Variants in DRD2 observed in about 807,000 individuals in gnomAD.
DRD2 encodes the protein dopamine receptor D2.
DRD2 carries 8 observed loss-of-function variants against 38.0 expected under a neutral mutation model. That is an observed-to-expected ratio of 0.21 (90% CI 0.12 to 0.38). The LOEUF is 0.38. Ranked by LOEUF, DRD2 falls within the 10% of genes least tolerant of loss-of-function variation. The pLI, the probability that DRD2 is intolerant of heterozygous loss-of-function variation, is 1.00. For missense variants in DRD2, 403 were observed against 607.7 expected (o/e 0.66, Z 3.54); for synonymous variants, 230 against 238.6 (o/e 0.96, Z 0.33).
rs762573963 is a variant in DRD2 at position 113,424,524 on chromosome 11, A to G, written c.128T>C (p.Leu43Pro). Residue 43 changes from leucine to proline, a missense_variant, in exon 2 of 8, where the codon CTG becomes CCG. Physicochemically the swap from Leu to Pro is moderately conservative, Grantham distance 98. Around this residue, in one of 4 missense-constraint regions of DRD2, gnomAD observed 162 missense variants for 254.5 expected, o/e 0.64. Transcript: ENST00000362072. ...GCCGAAGACGATGACAGCGATGAGC[A>G]GGGTGAGCAGTGTGGCATAGTAGTT... ...HYNYYATLLT[L>P]LIAVIVFGNV... is the part of the protein sequence containing the mutation. 7 of 1,614,242 alleles carry G rather than the reference A, an allele frequency of 4.3e-6. No individual in the cohort carries two copies. Among genetic ancestry groups the G allele is most frequent in the Non-Finnish European group, 5.9e-6 (7 of 1,180,044 alleles).
At chr11:113,467,556 G>T (rs1159205594) in intron 1 of DRD2, among the ~76,000 whole-genome samples, 1 of 152,106 alleles carries the variant, frequency 6.6e-6, no homozygotes, top group Non-Finnish European at 1.5e-5. Flanking sequence ...TCTGGGAAAA[G>T]AAAAAAAGTC....
chr11:113,434,718 A>C (rs1951019477), intron 1 of DRD2, among the ~76,000 whole-genome samples: 1 of 152,208 alleles, frequency 6.6e-6, no homozygotes, highest in African/African-American at 2.4e-5. Context: ...CCAGGGCTTC[A>C]GAGTGTCCAG....
chr11:113,415,148 C>A (rs532496487), intron 5 of DRD2: 2 of 390,590 alleles, frequency 5.1e-6, no homozygotes, highest in South Asian at 1.0e-4. Context: ...GGGTACCAAG[C>A]AAGAGTTGCC....
At chr11:113,428,837 G>A (rs532844103) in intron 1 of DRD2, among the ~76,000 whole-genome samples, 3 of 152,256 alleles carry the variant, frequency 2.0e-5, no homozygotes, top group East Asian at 1.9e-4. Flanking sequence ...ATGTTGCCCA[G>A]GCTGGTCTCA....
At chr11:113,472,127 C>A (rs962449386) in intron 1 of DRD2, among the ~76,000 whole-genome samples, 2 of 152,234 alleles carry the variant, frequency 1.3e-5, no homozygotes, top group Non-Finnish European at 2.9e-5. Flanking sequence ...CTCATCATAT[C>A]TGTCTCTCCT....
At chr11:113,432,863 C>A (rs964603611) in intron 1 of DRD2, among the ~76,000 whole-genome samples, 1 of 152,198 alleles carries the variant, frequency 6.6e-6, no homozygotes, top group Non-Finnish European at 1.5e-5. Context: ...AAAGGTGGTG[C>A]GCCCGTTCCT....
At chr11:113,465,844 A>G (rs577485096) in intron 1 of DRD2, among the ~76,000 whole-genome samples, 1 of 152,318 alleles carries the variant, frequency 6.6e-6, no homozygotes, top group East Asian at 1.9e-4. Flanking sequence ...TAAAATTTGG[A>G]GCACAGGTTG....
At chr11:113,471,015 A>C (rs1198276122) in intron 1 of DRD2, among the ~76,000 whole-genome samples, 1 of 152,216 alleles carries the variant, frequency 6.6e-6, no homozygotes, top group East Asian at 1.9e-4. Context: ...TTAAGGTGAA[A>C]GGAAAAAGAA....
At chr11:113,421,105 A>C (rs961676455) in intron 2 of DRD2, among the ~76,000 whole-genome samples, 2 of 151,854 alleles carry the variant, frequency 1.3e-5, no homozygotes, top group African/African-American at 4.8e-5. Flanking sequence ...TCTCCTCCAT[A>C]CCTCCAGCCA....
intron 1 of DRD2, among the ~76,000 whole-genome samples, chr11:113,438,195 T>C (rs189393544): frequency 5.8e-4 from 84 of 144,908 alleles, no homozygotes; most frequent in African/African-American, 2.0e-3. Flanking sequence ...ATTTTTATTG[T>C]TTTTTTTTTA....
intron 2 of DRD2, among the ~76,000 whole-genome samples, chr11:113,423,840 G>A (rs1950909249): frequency 6.6e-6 from 1 of 152,208 alleles, no homozygotes; most frequent in Non-Finnish European, 1.5e-5. Flanking sequence ...GGGATATGGG[G>A]AGCATAAAGC....
At chr11:113,461,543 C>T (rs1951319050) in intron 1 of DRD2, among the ~76,000 whole-genome samples, 1 of 152,068 alleles carries the variant, frequency 6.6e-6, no homozygotes, top group South Asian at 2.1e-4. Flanking sequence ...ATGAGGGATC[C>T]CCCAAGGCAG....
intron 1 of DRD2, among the ~76,000 whole-genome samples, chr11:113,442,443 C>A (rs538818524): frequency 6.6e-6 from 1 of 152,194 alleles, no homozygotes; most frequent in Non-Finnish European, 1.5e-5. Context: ...CTAATCCTCC[C>A]CATCAAGGGG....
At chr11:113,449,231 G>A (rs1418115733) in intron 1 of DRD2, among the ~76,000 whole-genome samples, 3 of 152,026 alleles carry the variant, frequency 2.0e-5, no homozygotes, top group Non-Finnish European at 4.4e-5. Context: ...CTCTTCAAAG[G>A]GAAAAGCCCA....
chr11:113,459,987 G>A (rs1015613327), intron 1 of DRD2, among the ~76,000 whole-genome samples: 2 of 152,192 alleles, frequency 1.3e-5, no homozygotes, highest in East Asian at 1.9e-4. Flanking sequence ...GGGCCCCAAG[G>A]AATAGTGCTG....
intron 1 of DRD2, among the ~76,000 whole-genome samples, chr11:113,468,689 A>G (rs540964210): frequency 1.3e-5 from 2 of 152,300 alleles, no homozygotes; most frequent in South Asian, 4.1e-4. Flanking sequence ...CTGAGACCAC[A>G]GGTGCATGCT....
intron 1 of DRD2, among the ~76,000 whole-genome samples, chr11:113,433,515 A>G (rs1007797811): frequency 6.6e-6 from 1 of 152,114 alleles, no homozygotes; most frequent in Admixed American, 6.5e-5. Flanking sequence ...GGGAGGCCAC[A>G]CACTAATACC....
chr11:113,438,568 C>T (rs563420618), intron 1 of DRD2, among the ~76,000 whole-genome samples: 11 of 152,310 alleles, frequency 7.2e-5, no homozygotes, highest in African/African-American at 2.6e-4. Flanking sequence ...TCCAGCCATG[C>T]CTACCATGTT....
At chr11:113,435,061 C>T (rs989932081) in intron 1 of DRD2, among the ~76,000 whole-genome samples, 3 of 152,316 alleles carry the variant, frequency 2.0e-5, no homozygotes, top group African/African-American at 7.2e-5. Context: ...GGCCAGGTGG[C>T]CCTGGGCCTG....
Sources: gnomAD v4.1 joint callset for allele counts (sites outside exome capture counted in the v4.1 genomes callset) on GRCh38, gnomAD v4.1.1 for gene constraint, gnomAD v4.1.1 regional missense constraint, MANE v1.5 for transcripts, NCBI Gene and HGNC (gene_info 2026-07-23, HGNC 2026-07-21) for gene names.